CHST5: variants seen among roughly 807,000 people sequenced by gnomAD.
The protein encoded by CHST5 is carbohydrate sulfotransferase 5, also known as GST4-alpha.
For synonymous variants in CHST5, 313 were observed against 279.2 expected, an observed-to-expected ratio of 1.12 and a Z score of -1.21; for missense variants, 637 against 602.1, an observed-to-expected ratio of 1.06 and a Z score of -0.61.
In CHST5 at chr16:75,529,021, G is replaced by T; in HGVS notation, c.*128C>A. 9.9e-7 allele frequency: 1 copy of T among 1,010,192 alleles called. No individual in the cohort carries two copies. The highest frequency in any genetic ancestry group is 1.4e-6 in the Non-Finnish European group (1 of 709,452). The allele number at this position is 1,010,192 out of a possible 1,614,324, so 62.6% of individuals were successfully genotyped here. A position where few individuals can be genotyped will look rare whatever the true frequency, so the allele number is the denominator to read the frequency against. On this transcript the variant is annotated 3_prime_UTR_variant, in exon 4 of 4. Coordinates refer to ENST00000336257, the MANE Select transcript of CHST5 (RefSeq NM_024533.5). ...CGTGCAGTCCTTGCCTACTTCAGGGGAGGACCCCAAACTCCCGGTTGATAG... is the reference window on the plus strand; with the variant it reads ...CGTGCAGTCCTTGCCTACTTCAGGGTAGGACCCCAAACTCCCGGTTGATAG...
chr16:75,532,818 C>A (rs1390984669), intron 3 of CHST5, among the ~76,000 whole-genome samples: 4 of 152,246 alleles, frequency 2.6e-5, no homozygotes, highest in Non-Finnish European at 5.9e-5. Context: ...CACTGGATAA[C>A]TTAACTCTGG....
Position 75,529,419 on chromosome 16 carries a change from C to T in CHST5, c.966G>A (p.Glu322=), listed in dbSNP as rs777735250. Reference sequence around the variant, plus strand: ...CGTGGGTGATGTTGTGGATCCAGGCCTCGAGCTGTGGCGTGAGGGTCAGGC... The same window carrying T: ...CGTGGGTGATGTTGTGGATCCAGGCTTCGAGCTGTGGCGTGAGGGTCAGGC... ...FTGLTLTPQL[E]AWIHNITHGS... Residue 322 remains glutamate, a synonymous_variant, in exon 4 of 4, where the codon GAG becomes GAA. Transcript: ENST00000336257. 1 of 1,612,958 alleles carries T rather than the reference C, an allele frequency of 6.2e-7. No individual in the cohort carries two copies.
intron 3 of CHST5, among the ~76,000 whole-genome samples, chr16:75,532,685 G>A (rs1410866481): frequency 6.6e-6 from 1 of 152,186 alleles, no homozygotes. Flanking sequence ...CGCTACAAGT[G>A]CAACTGTACT....
At chr16:75,534,711 G>A (rs1388287003) in intron 2 of CHST5, among the ~76,000 whole-genome samples, 1 of 152,190 alleles carries the variant, frequency 6.6e-6, no homozygotes. Flanking sequence ...GGCCCAGAGG[G>A]CCTTTCCTAA....
chr16:75,533,233 A>C (rs1032614433), intron 2 of CHST5, 50 bp from the exon 3 acceptor site: 1 of 702,408 alleles, frequency 1.4e-6, no homozygotes, highest in Non-Finnish European at 2.6e-6. Context: ...CCAAGGGTGC[A>C]AAGTTAGGGA....
In CHST5 at chr16:75,529,817, A is replaced by T; in HGVS notation, c.568T>A (p.Tyr190Asn). The T allele has an allele frequency of 6.2e-7, 1 of 1,613,710 alleles. No homozygotes were observed. The highest frequency in any genetic ancestry group is 8.5e-7 in the Non-Finnish European group (1 of 1,179,900). The stretch of plus-strand genomic sequence containing the variant: ...ACCTCCTTGAGCACCACGTGGCTGT[A>T]GGAGCGGCAGGCCTCCCGGGCCAGG... ...FSLAREACRS[Y>N]SHVVLKEVRF... is the part of the protein sequence containing the mutation. Residue 190 changes from tyrosine (Y) to asparagine (N), a missense_variant, in exon 4 of 4, where the codon TAC becomes AAC. Transcript: ENST00000336257.
In CHST5 at chr16:75,529,404, G is replaced by C. The variant is rs910024421; in HGVS notation, c.981C>G (p.Asn327Lys). The C allele has an allele frequency of 6.2e-7, 1 of 1,612,974 alleles. No individual in the cohort carries two copies. The highest frequency in any genetic ancestry group is 1.3e-5 in the African/African-American group (1 of 74,952). ...TGCCGATCCCCGACCCGTGGGTGAT[G>C]TTGTGGATCCAGGCCTCGAGCTGTG... ...LTPQLEAWIH[N>K]ITHGSGIGKP... Residue 327 changes from asparagine (N) to lysine (K), a missense_variant, in exon 4 of 4, where the codon AAC becomes AAG. Asn to Lys is a moderately conservative substitution (Grantham distance 94, BLOSUM62 0). Transcript: ENST00000336257.
chr16:75,529,862 A>C lies in CHST5; in HGVS notation c.523T>G (p.Cys175Gly). 6.2e-7 allele frequency: 1 copy of C among 1,613,572 alleles called. No individual in the cohort carries two copies. The highest frequency in any genetic ancestry group is 8.5e-7 in the Non-Finnish European group (1 of 1,179,918). The stretch of plus-strand genomic sequence containing the variant: ...GCCAGGCTGAATGGCTGCCGCGTGC[A>C]CAGTGTCTTGCATACGTCCTGCTTG... ...ISKQDVCKTL[C>G]TRQPFSLARE... Residue 175 changes from cysteine (C) to glycine (G), a missense_variant, in exon 4 of 4, where the codon TGC (cysteine) becomes GGC (glycine). By Grantham distance (159) the Cys-to-Gly change is radical (BLOSUM62 -3). Transcript: ENST00000336257.
chr16:75,531,532 G>A lies in CHST5; in HGVS notation c.-1148C>T. 1 of 1,302,150 alleles carries A rather than the reference G, an allele frequency of 7.7e-7. No homozygotes were observed. The highest frequency in any genetic ancestry group is 1.0e-6 in the Non-Finnish European group (1 of 988,316). 80.7% of individuals were successfully genotyped at this position (1,302,150 alleles called of 1,614,324 possible). On this transcript the variant is annotated 5_prime_UTR_variant, in exon 4 of 4. Coordinates refer to ENST00000336257, the MANE Select transcript of CHST5 (RefSeq NM_024533.5). ...GCTGGGATGGAGCCCAAGAAGCAGA[G>A]AGGTGAGAGCAGAGTACTGTCCTGG...
At chr16:75,534,121 G>C (rs2080544402) in intron 2 of CHST5, among the ~76,000 whole-genome samples, 1 of 151,952 alleles carries the variant, frequency 6.6e-6, no homozygotes, top group Admixed American at 6.6e-5. Flanking sequence ...GGCCAAGATG[G>C]GTAGATCACC....
Position 75,530,663 on chromosome 16 carries a change from C to T in CHST5, c.-279G>A. ...GAGAAATACTATGTTTCAAAGAGAA[C>T]TCCTGTCTTTTGCTTCAGGATACCT... On this transcript the variant is annotated 5_prime_UTR_variant, in exon 4 of 4. Coordinates refer to ENST00000336257, the MANE Select transcript of CHST5 (RefSeq NM_024533.5). 7.8e-7 allele frequency: 1 copy of T among 1,290,308 alleles called. No homozygotes were observed. Among genetic ancestry groups the T allele is most frequent in the South Asian group, 2.4e-5 (1 of 41,872 alleles). The allele number at this position is 1,290,308 out of a possible 1,614,324, so 79.9% of individuals were successfully genotyped here. A position where few individuals can be genotyped will look rare whatever the true frequency, so the allele number is the denominator to read the frequency against.
chr16:75,531,668 A>G, intron 3 of CHST5, 28 bp from the exon 4 acceptor site: 1 of 1,298,410 alleles, frequency 7.7e-7, no homozygotes. Context: ...AGAGGAGATC[A>G]GAGCCCTACA....
Position 75,529,176 on chromosome 16 carries a change from G to C in CHST5, c.1209C>G (p.Asp403Glu). 1 of 1,599,914 alleles carries C rather than the reference G, an allele frequency of 6.3e-7. No individual in the cohort carries two copies. The highest frequency in any genetic ancestry group is 8.5e-7 in the Non-Finnish European group (1 of 1,171,690). The change falls in exon 4 of 4, where the codon GAC becomes GAG. Residue 403 changes from aspartate to glutamate, a missense_variant. By Grantham distance (45) the Asp-to-Glu change is conservative. Coordinates refer to ENST00000336257, the MANE Select transcript of CHST5 (RefSeq NM_024533.5). ...TLDLVLPRGP[D>E]HFSWASPD ...AGTCAGGCGATGCCCAGCTGAAGTG[G>C]TCTGGGCCTCGTGGCAGCACCAGAT... is the stretch of plus-strand genomic sequence containing the variant.
At position 75,535,291 on chromosome 16, in the gene CHST5, G is replaced by A. The variant is rs1249920106; in HGVS notation, c.-1516C>T. On this transcript the variant is annotated 5_prime_UTR_variant, in exon 2 of 4. Transcript: ENST00000336257. ...CGCAGGGGCTGACTTGCTCCTTAAG[G>A]TCCCAAGACTATTAAGGGACACCCA... is the stretch of plus-strand genomic sequence containing the variant. 2.6e-5 allele frequency: 4 copies of A among 152,314 alleles called. No homozygotes were observed. The highest frequency in any genetic ancestry group is 2.6e-4 in the Admixed American group (4 of 15,280). The allele number at this position is 152,314 out of a possible 1,614,324, so 9.4% of individuals were successfully genotyped here. A position where few individuals can be genotyped will look rare whatever the true frequency, so the allele number is the denominator to read the frequency against.
chr16:75,535,713 A>T (rs114002841), intron 1 of CHST5, among the ~76,000 whole-genome samples: 3 of 152,080 alleles, frequency 2.0e-5, no homozygotes, highest in Admixed American at 6.5e-5. Flanking sequence ...CCGAGGGGCC[A>T]TGTCTCGGGG....
At chr16:75,534,903 A>T (rs551616600) in intron 2 of CHST5, among the ~76,000 whole-genome samples, 2 of 152,356 alleles carry the variant, frequency 1.3e-5, no homozygotes, top group Non-Finnish European at 2.9e-5. Flanking sequence ...CTGCGCAGTG[A>T]GGATTCCCGC....
Position 75,531,430 on chromosome 16 carries a change from T to G in CHST5, c.-1046A>C, listed in dbSNP as rs1244535920. ...TTGTCATCACTGGTGGGGAGTGAAGTGCTGTAGGCAGCATGGGCTCCAGAA... is the reference window on the plus strand; with the variant it reads ...TTGTCATCACTGGTGGGGAGTGAAGGGCTGTAGGCAGCATGGGCTCCAGAA... On this transcript the variant is annotated 5_prime_UTR_variant, in exon 4 of 4. Coordinates refer to ENST00000336257, the MANE Select transcript of CHST5 (RefSeq NM_024533.5). The G allele has an allele frequency of 8.4e-7, 1 of 1,197,138 alleles. No individual in the cohort carries two copies. Among genetic ancestry groups the G allele is most frequent in the African/African-American group, 1.6e-5 (1 of 62,966 alleles). The allele number at this position is 1,197,138 out of a possible 1,614,324, so 74.2% of individuals were successfully genotyped here.
At chr16:75,532,334 G>T (rs1278350623) in intron 3 of CHST5, among the ~76,000 whole-genome samples, 2 of 152,144 alleles carry the variant, frequency 1.3e-5, no homozygotes, top group Non-Finnish European at 2.9e-5. Context: ...CCAGCCTCCC[G>T]CATTCCAAGG....
chr16:75,535,589 G>C (rs1355468040), intron 1 of CHST5, among the ~76,000 whole-genome samples, 180 bp from the exon 2 acceptor site: 1 of 152,220 alleles, frequency 6.6e-6, no homozygotes, highest in East Asian at 1.9e-4. Context: ...AGCGCTGCCT[G>C]GTGAGGAGCT....
Sources: allele counts gnomAD v4.1 joint callset (sites outside exome capture counted in the v4.1 genomes callset), GRCh38; gene constraint gnomAD v4.1.1; transcripts MANE v1.5; gene names NCBI Gene and HGNC (gene_info 2026-07-23, HGNC 2026-07-21).